GSG1L: variants seen among roughly 807,000 people sequenced by gnomAD.
GSG1L encodes germ cell-specific gene 1-like protein.
A neutral mutation model predicts 42.1 loss-of-function variants in GSG1L; 24 were observed. The observed-to-expected ratio is 0.57, with a 90% CI of 0.41 to 0.80. GSG1L has a LOEUF of 0.80. GSG1L is among the 30% of genes least tolerant of loss of function. GSG1L has a pLI of 0.00. For missense variants in GSG1L, 445 were observed against 472.2 expected (o/e 0.94, Z 0.53); for synonymous variants, 215 against 203.5 (o/e 1.06, Z -0.48).
chr16:27,842,427 G>A (rs1012288211), intron 4 of GSG1L, among the ~76,000 whole-genome samples: 8 of 152,170 alleles, frequency 5.3e-5, no homozygotes, highest in African/African-American at 1.9e-4. Context: ...GGTTACTTAA[G>A]TTCTCTGTGC....
At chr16:27,806,918 G>A (rs8055465) in intron 6 of GSG1L, among the ~76,000 whole-genome samples, 2,369 of 152,300 alleles carry the variant, frequency 0.016, 51 homozygotes, top group Middle Eastern at 0.044. Context: ...GTGGGATGGG[G>A]TGGGGAACAC....
chr16:27,792,010 C>G (rs1225676513), intron 6 of GSG1L, among the ~76,000 whole-genome samples: 2 of 152,070 alleles, frequency 1.3e-5, no homozygotes, highest in South Asian at 2.1e-4. Context: ...GCCATGCCCC[C>G]ACTCCTGCCA....
chr16:27,892,450 C>T (rs911979832), intron 2 of GSG1L, among the ~76,000 whole-genome samples: 1 of 151,936 alleles, frequency 6.6e-6, no homozygotes, highest in African/African-American at 2.4e-5. Context: ...AAGCGAGACC[C>T]TGTCTCAAAA....
chr16:27,822,186 T>C lies in GSG1L; in HGVS notation c.830+6603A>G, dbSNP rs554956610. Among the ~76,000 whole-genome samples the C allele has an allele frequency of 1.4e-3, 219 of 152,118 alleles. 1 individual carries two copies. Among genetic ancestry groups the C allele is most frequent in the East Asian group, 3.9e-4 (2 of 5,156 alleles). ...AAGTCCTCACAACAAAGCCTCAAGG[T>C]AGGCATTAGCTCATTTTCCAGCCAG... On this transcript the variant is annotated intron_variant, in intron 5 of 6. Transcript: ENST00000447459.
At chr16:28,013,473 C>A (rs2085747663) in intron 1 of GSG1L, among the ~76,000 whole-genome samples, 1 of 152,172 alleles carries the variant, frequency 6.6e-6, no homozygotes, top group South Asian at 2.1e-4. Context: ...GGTGGAGCAA[C>A]TATGCTTTGG....
At chr16:27,986,647 G>A (rs780313464) in intron 1 of GSG1L, among the ~76,000 whole-genome samples, 3 of 152,190 alleles carry the variant, frequency 2.0e-5, no homozygotes, top group Non-Finnish European at 4.4e-5. Context: ...CACCAGCATT[G>A]GGGAGAATGT....
intron 1 of GSG1L, among the ~76,000 whole-genome samples, chr16:28,002,642 A>G (rs919565291): frequency 3.9e-5 from 6 of 152,034 alleles, no homozygotes; most frequent in African/African-American, 1.4e-4. Flanking sequence ...TTAAAAAGAA[A>G]AAAAGAGGCC....
chr16:27,816,827 C>G (rs147606066), intron 5 of GSG1L, among the ~76,000 whole-genome samples: 1 of 152,080 alleles, frequency 6.6e-6, no homozygotes, highest in Non-Finnish European at 1.5e-5. Context: ...GGTACCCTGC[C>G]GACTCCCAGC....
chr16:28,025,987 A>G (rs2141170137), intron 1 of GSG1L, among the ~76,000 whole-genome samples: 1 of 152,344 alleles, frequency 6.6e-6, no homozygotes. Context: ...GACAACCTGC[A>G]TGGCTAGGAT....
intron 6 of GSG1L, among the ~76,000 whole-genome samples, chr16:27,796,903 T>A (rs1242551231): frequency 2.0e-5 from 3 of 152,084 alleles, no homozygotes; most frequent in African/African-American, 7.2e-5. Flanking sequence ...GGCTGCTGGG[T>A]TTACAGACGT....
intron 2 of GSG1L, among the ~76,000 whole-genome samples, chr16:27,885,993 C>G (rs917003006): frequency 2.0e-5 from 3 of 152,196 alleles, no homozygotes; most frequent in Non-Finnish European, 4.4e-5. Context: ...GGGAGAGACT[C>G]TCTGTCTACA....
chr16:27,947,599 AAAAG>A (rs1462889554), intron 2 of GSG1L, among the ~76,000 whole-genome samples: 10 of 85,994 alleles, frequency 1.2e-4, no homozygotes, highest in African/African-American at 4.6e-4. Flanking sequence ...GAAAGAAAGA[AAAAG>A]AAAGAAAGAA....
chr16:27,933,314 A>T (rs1293439589), intron 2 of GSG1L, among the ~76,000 whole-genome samples: 1 of 152,098 alleles, frequency 6.6e-6, no homozygotes, highest in Non-Finnish European at 1.5e-5. Context: ...GCAGGGCCCT[A>T]GAAATCATAC....
At chr16:27,819,906 T>A (rs1227499525) in intron 5 of GSG1L, among the ~76,000 whole-genome samples, 1 of 152,038 alleles carries the variant, frequency 6.6e-6, no homozygotes, top group African/African-American at 2.4e-5. Context: ...GTTGCTGGAT[T>A]CACCCAGGTA....
At chr16:28,008,158 C>T (rs1293665557) in intron 1 of GSG1L, among the ~76,000 whole-genome samples, 1 of 152,140 alleles carries the variant, frequency 6.6e-6, no homozygotes, top group Non-Finnish European at 1.5e-5. Flanking sequence ...CCGCTCACTG[C>T]AACCTCCGCC....
intron 2 of GSG1L, among the ~76,000 whole-genome samples, chr16:27,943,545 A>G (rs1270031210): frequency 1.3e-5 from 2 of 149,730 alleles, no homozygotes; most frequent in African/African-American, 4.9e-5. Flanking sequence ...AGATCAGCTA[A>G]CATTTTCTTT....
chr16:27,814,775 G>A (rs1336497415), intron 5 of GSG1L, among the ~76,000 whole-genome samples: 1 of 151,962 alleles, frequency 6.6e-6, no homozygotes, highest in Admixed American at 6.6e-5. Context: ...GCTAAGAGCA[G>A]CCCACAGGGG....
rs1323261133 is a variant in GSG1L at position 27,820,452 on chromosome 16, A to T, written c.830+8337T>A. Among the ~76,000 whole-genome samples, 8 of 151,892 alleles carry T rather than the reference A, an allele frequency of 5.3e-5. No individual in the cohort carries two copies. In the East Asian group the frequency reaches 1.6e-3, roughly 29 times the overall value. ...CGTGGAGTGAGGGGGTGGGAGCCAGATTGGAGGGGGCTGGACGGTGAGTGG... is the reference window on the plus strand; with the variant it reads ...CGTGGAGTGAGGGGGTGGGAGCCAGTTTGGAGGGGGCTGGACGGTGAGTGG... On this transcript the variant is annotated intron_variant, in intron 5 of 6. Transcript: ENST00000447459.
intron 1 of GSG1L, among the ~76,000 whole-genome samples, chr16:28,009,054 C>T (rs1451065113): frequency 6.6e-6 from 1 of 152,166 alleles, no homozygotes; most frequent in Non-Finnish European, 1.5e-5. Flanking sequence ...AGTGATCCGC[C>T]CGCCTTGGCC....
Sources: gnomAD v4.1 joint callset for allele counts (sites outside exome capture counted in the v4.1 genomes callset) on GRCh38, gnomAD v4.1.1 for gene constraint, MANE v1.5 for transcripts, NCBI Gene and HGNC (gene_info 2026-07-23, HGNC 2026-07-21) for gene names.